Variants in RS1 observed in about 807,000 individuals in gnomAD.
RS1 encodes the protein retinoschisin.
Under a neutral mutation model 20.8 loss-of-function variants are expected in RS1, and 2 were observed. The observed-to-expected ratio is 0.10, with a 90% confidence interval of 0.04 to 0.30. The LOEUF (loss-of-function observed/expected upper bound fraction) is 0.30. Among genes scored for constraint, RS1 ranks in the 10% least tolerant of loss-of-function variants. The pLI is 1.00. For synonymous variants in RS1, 70 were observed against 75.8 expected (o/e 0.92, Z 0.40); for missense variants, 151 against 189.8 (o/e 0.80, Z 1.20).
intron 5 of RS1, among the ~76,000 whole-genome samples, chrX:18,643,478 G>A (rs1427845142): frequency 2.7e-5 from 3 of 112,445 alleles, no homozygotes; most frequent in Non-Finnish European, 5.6e-5. Flanking sequence ...CAAGTGCAGG[G>A]GTGAAGTGCC....
chrX:18,644,749 G>A (rs1927713779), intron 4 of RS1, 124 bp from the exon 5 acceptor site: 1 of 649,637 alleles, frequency 1.5e-6, no homozygotes, highest in East Asian at 3.4e-5. Context: ...CGGGCAGTCT[G>A]GGCTGCAGTC....
chrX:18,658,516 C>T (rs1021706694), intron 1 of RS1, among the ~76,000 whole-genome samples: 5 of 109,833 alleles, frequency 4.6e-5, no homozygotes, highest in Non-Finnish European at 9.5e-5. Context: ...AGTACAATGG[C>T]GCGATCTCGG....
chrX:18,641,918 T>C lies in RS1; in HGVS notation c.*86A>G. On this transcript the variant is annotated 3_prime_UTR_variant, in exon 6 of 6. Transcript: ENST00000379984. ...ACAATTGCTTTGCGAAATATAGCCCTGTCCATCTCGGTGGTGTGTGAGGGG... is the reference window on the plus strand; with the variant it reads ...ACAATTGCTTTGCGAAATATAGCCCCGTCCATCTCGGTGGTGTGTGAGGGG... 2.9e-6 allele frequency: 3 copies of C among 1,039,266 alleles called. No homozygotes were observed. Among genetic ancestry groups the C allele is most frequent in the Non-Finnish European group, 4.0e-6 (3 of 746,013 alleles). The allele number at this position is 1,039,266 out of a possible 1,213,427, so 85.6% of individuals were successfully genotyped here.
intron 1 of RS1, among the ~76,000 whole-genome samples, chrX:18,658,780 T>TTCATCA (rs35009798): frequency 0.27 from 27,668 of 103,572 alleles, 3,354 homozygotes; most frequent in Non-Finnish European, 0.34. Flanking sequence ...TTATTAAATC[T>TTCATCA]TCATCATCAT....
At chrX:18,642,814 C>T (rs1927632415) in intron 5 of RS1, among the ~76,000 whole-genome samples, 2 of 109,198 alleles carry the variant, frequency 1.8e-5, no homozygotes, top group African/African-American at 3.3e-5. Flanking sequence ...CGGAGGCGGG[C>T]GGATCGTTTG....
chrX:18,663,463 C>T (rs1265752950), intron 1 of RS1, among the ~76,000 whole-genome samples: 1 of 107,934 alleles, frequency 9.3e-6, no homozygotes, highest in Non-Finnish European at 1.9e-5. Flanking sequence ...TCACCTCAGC[C>T]TCCCATGGTA....
intron 3 of RS1, chrX:18,653,549 T>C: frequency 8.3e-7 from 1 of 1,210,710 alleles, no homozygotes; most frequent in South Asian, 1.8e-5. Context: ...AAGTGACTTC[T>C]GCAAGCCTGC....
At chrX:18,662,612 C>G (rs1015478667) in intron 1 of RS1, among the ~76,000 whole-genome samples, 8 of 109,676 alleles carry the variant, frequency 7.3e-5, no homozygotes, top group African/African-American at 2.6e-4. Flanking sequence ...TCATCCATGT[C>G]CCTACATGAA....
At chrX:18,663,858 C>T (rs778342702) in intron 1 of RS1, among the ~76,000 whole-genome samples, 19 of 112,029 alleles carry the variant, frequency 1.7e-4, no homozygotes, top group African/African-American at 6.2e-4. Context: ...GAATGGCCTA[C>T]AGGATATCTT....
At position 18,641,989 on chromosome X, in the gene RS1, G is replaced by A. The variant is rs759620016; in HGVS notation, c.*15C>T. On this transcript the variant is annotated 3_prime_UTR_variant, in exon 6 of 6. Coordinates refer to ENST00000379984, the MANE Select transcript of RS1 (RefSeq NM_000330.4). ...TGCCAGTCACCCCCTGGCAGGCGCCGAGCTGAGGCAGGCATCAGGCACACT... is the reference window on the plus strand; with the variant it reads ...TGCCAGTCACCCCCTGGCAGGCGCCAAGCTGAGGCAGGCATCAGGCACACT... 2.0e-4 allele frequency: 239 copies of A among 1,208,680 alleles called. 1 individual carries two copies. Among genetic ancestry groups the A allele is most frequent in the African/African-American group, 3.5e-5 (2 of 57,151 alleles).
chrX:18,652,313 C>A (rs903634853), intron 3 of RS1, among the ~76,000 whole-genome samples: 1 of 111,882 alleles, frequency 8.9e-6, no homozygotes, highest in Non-Finnish European at 1.9e-5. Flanking sequence ...CTGGCCTAAT[C>A]AAAAGAAACC....
rs141607643 is a variant in RS1, at chrX:18,644,315, T to C, written c.522+115A>G. 1.3e-3 allele frequency: 822 copies of C among 650,307 alleles called. 11 individuals carry two copies. In the East Asian group the frequency reaches 0.026, roughly 20 times the overall value. 53.6% of individuals were successfully genotyped at this position (650,307 alleles called of 1,213,427 possible). A position where few individuals can be genotyped will look rare whatever the true frequency, so the allele number is the denominator to read the frequency against. ...ACATTGTGGGGGAAAGCGCAGATGA[T>C]CCACTGTGCTGTGGAGTCGGTGCTC... On this transcript the variant is annotated intron_variant, in intron 5 of 5. Coordinates refer to ENST00000379984, the MANE Select transcript of RS1 (RefSeq NM_000330.4).
At chrX:18,651,784 A>C (rs1382489027) in intron 3 of RS1, among the ~76,000 whole-genome samples, 1 of 112,006 alleles carries the variant, frequency 8.9e-6, no homozygotes, top group Non-Finnish European at 1.9e-5. Context: ...CATTTCCCAC[A>C]CTGTGTGTGT....
rs904962214 is a variant in RS1 at position 18,640,005 on chromosome X, A to T, written c.*1999T>A. 9.0e-6 allele frequency: 1 copy of T among 111,679 alleles called. No individual in the cohort carries two copies. The highest frequency in any genetic ancestry group is 3.3e-5 in the African/African-American group (1 of 30,663). 9.2% of individuals were successfully genotyped at this position (111,679 alleles called of 1,213,427 possible). ...GGTTGCAGAGGGCTTGGGGTGGCCG[A>T]TGGGTTGGGGAGTGTTGGCTGATGG... On this transcript the variant is annotated 3_prime_UTR_variant, in exon 6 of 6. Coordinates refer to ENST00000379984, the MANE Select transcript of RS1 (RefSeq NM_000330.4).
At chrX:18,653,959 T>G (rs1928158588) in intron 3 of RS1, among the ~76,000 whole-genome samples, 1 of 107,962 alleles carries the variant, frequency 9.3e-6, no homozygotes, top group Non-Finnish European at 1.9e-5. Flanking sequence ...CAGAGTGAGA[T>G]TCCGTCTCAA....
At chrX:18,642,644 C>T (rs764557355) in intron 5 of RS1, among the ~76,000 whole-genome samples, 9 of 112,528 alleles carry the variant, frequency 8.0e-5, no homozygotes, top group Non-Finnish European at 1.7e-4. Context: ...AGTGAAAACC[C>T]GTGCTTGGCT....
chrX:18,653,455 G>C, intron 3 of RS1: 1 of 1,211,365 alleles, frequency 8.3e-7, no homozygotes, highest in Non-Finnish European at 1.1e-6. Flanking sequence ...CGTGAGACAC[G>C]TTATGAGGGA....
At chrX:18,650,493 C>A in intron 3 of RS1, 1 of 1,211,876 alleles carries the variant, frequency 8.3e-7, no homozygotes, top group Non-Finnish European at 1.1e-6. Context: ...AATCTCCAGT[C>A]CTGCTCCCTA....
chrX:18,649,989 G>A (rs1443386467), intron 3 of RS1: 7 of 198,031 alleles, frequency 3.5e-5, no homozygotes, highest in South Asian at 1.7e-4. Context: ...CGCCGCCGCC[G>A]CCCCGCTCAG....
Sources: gnomAD v4.1 joint callset for allele counts (sites outside exome capture counted in the v4.1 genomes callset) on GRCh38, gnomAD v4.1.1 for gene constraint, MANE v1.5 for transcripts, NCBI Gene and HGNC (gene_info 2026-07-23, HGNC 2026-07-21) for gene names.